DIP2C: variants seen among roughly 807,000 people sequenced by gnomAD.
The protein encoded by DIP2C is disco-interacting protein 2 homolog C.
Under a neutral mutation model 192.4 loss-of-function variants are expected in DIP2C, and 33 were observed. That is an observed-to-expected ratio of 0.17 (90% CI 0.13 to 0.23). The LOEUF is 0.23. DIP2C is among the 10% of genes least tolerant of loss of function. The pLI is 1.00. For synonymous variants in DIP2C, 979 were observed against 864.1 expected (o/e 1.13, Z -2.33); for missense variants, 1,537 against 2,110.1 (o/e 0.73, Z 5.32).
chr10:569,059 A>AG (rs1293795428), intron 1 of DIP2C, among the ~76,000 whole-genome samples: 8 of 152,290 alleles, frequency 5.3e-5, no homozygotes, highest in African/African-American at 1.4e-4. Context: ...ACTGCATGGG[A>AG]GATCAGCTTT....
chr10:282,156 CAAAG>C (rs980399241), intron 35 of DIP2C: 1 of 153,044 alleles, frequency 6.5e-6, no homozygotes, highest in Non-Finnish European at 1.5e-5. Context: ...TTAAATCAGA[CAAAG>C]AAAGATGGAG....
chr10:546,879 T>C (rs1250144279), intron 1 of DIP2C, among the ~76,000 whole-genome samples: 2 of 152,198 alleles, frequency 1.3e-5, no homozygotes, highest in African/African-American at 4.8e-5. Flanking sequence ...ACTGGAAAGC[T>C]CCAATGGCTA....
chr10:374,682 G>A (rs997411856), intron 17 of DIP2C, among the ~76,000 whole-genome samples: 8 of 152,134 alleles, frequency 5.3e-5, no homozygotes, highest in African/African-American at 1.9e-4. Flanking sequence ...ACCATTTGTT[G>A]GTCCAATTTG....
At chr10:381,496 G>T (rs1399006670) in intron 17 of DIP2C, among the ~76,000 whole-genome samples, 1 of 152,148 alleles carries the variant, frequency 6.6e-6, no homozygotes, top group Non-Finnish European at 1.5e-5. Flanking sequence ...CCAGCTCCAG[G>T]GAGGTGGCTC....
At chr10:601,270 G>A (rs538225838) in intron 1 of DIP2C, among the ~76,000 whole-genome samples, 222 of 152,192 alleles carry the variant, frequency 1.5e-3, no homozygotes, top group Non-Finnish European at 2.5e-3. Flanking sequence ...AGATAATCAG[G>A]CAAAAATTTT....
chr10:512,765 T>C (rs113052753), intron 1 of DIP2C, among the ~76,000 whole-genome samples: 2,532 of 151,488 alleles, frequency 0.017, 75 homozygotes, highest in African/African-American at 0.058. Flanking sequence ...AACACAAAAA[T>C]TAGCCAGGCA....
At chr10:412,491 ATAAT>A (rs1362082440) in intron 8 of DIP2C, among the ~76,000 whole-genome samples, 1 of 152,262 alleles carries the variant, frequency 6.6e-6, no homozygotes, top group Non-Finnish European at 1.5e-5. Flanking sequence ...TTCTGAGAGC[ATAAT>A]TAAAAAAATA....
rs150989544 is a variant in DIP2C, at chr10:478,821, G to A, written c.158-6272C>T. Among the ~76,000 whole-genome samples, 964 of 152,178 alleles carry A rather than the reference G, an allele frequency of 6.3e-3. 4 individuals carry two copies. The highest frequency in any genetic ancestry group is 0.011 in the Non-Finnish European group (721 of 67,992). The stretch of plus-strand genomic sequence containing the variant: ...TTCCCATCTTATTCTCACTCATCGC[G>A]TGTCCGGGCGTGCTGGGGGTGCAGA... On this transcript the variant is annotated intron_variant, in intron 2 of 36. Coordinates refer to ENST00000280886, the MANE Select transcript of DIP2C (RefSeq NM_014974.3).
chr10:443,225 T>A (rs918689963), intron 3 of DIP2C, among the ~76,000 whole-genome samples: 1 of 152,238 alleles, frequency 6.6e-6, no homozygotes, highest in Non-Finnish European at 1.5e-5. Flanking sequence ...ACTACTAGTT[T>A]TAGCATCCAC....
intron 17 of DIP2C, among the ~76,000 whole-genome samples, chr10:377,353 C>T (rs1400102049): frequency 6.6e-6 from 1 of 152,224 alleles, no homozygotes; most frequent in Admixed American, 6.5e-5. Flanking sequence ...CCTCCTTTGC[C>T]AAAACCAACT....
In DIP2C at chr10:651,126, G is replaced by A. The variant is rs771245430; in HGVS notation, c.85+38368C>T. The A allele has an allele frequency of 8.4e-6, 6 of 717,484 alleles. No homozygotes were observed. Among genetic ancestry groups the A allele is most frequent in the East Asian group, 2.7e-5 (1 of 37,262 alleles). 44.4% of individuals were successfully genotyped at this position (717,484 alleles called of 1,614,324 possible). On this transcript the variant is annotated intron_variant, in intron 1 of 36. Transcript: ENST00000280886. The surrounding 1 kb of genome is among the most constrained non-coding windows in gnomAD (Gnocchi z 4.1). ...TCCTGGCCAGCTCTCGCCACACTCA[G>A]TCAATGTCCACTGGGGGCCTCAGGG... is the stretch of plus-strand genomic sequence containing the variant.
In DIP2C at chr10:277,207, C is replaced by T; in HGVS notation, c.*118G>A. 6.9e-7 allele frequency: 1 copy of T among 1,454,928 alleles called. No homozygotes were observed. Among genetic ancestry groups the T allele is most frequent in the Non-Finnish European group, 9.3e-7 (1 of 1,078,420 alleles). 90.1% of individuals were successfully genotyped at this position (1,454,928 alleles called of 1,614,324 possible). ...CCTCTTCCTCCTCCTCTTCCTCCTC[C>T]ACTCTCACCACAAATGGCTGTATTC... On this transcript the variant is annotated 3_prime_UTR_variant, in exon 37 of 37. Coordinates refer to ENST00000280886, the MANE Select transcript of DIP2C (RefSeq NM_014974.3).
intron 32 of DIP2C, among the ~76,000 whole-genome samples, chr10:306,987 G>A (rs556138184): frequency 1.3e-5 from 2 of 152,268 alleles, no homozygotes; most frequent in Non-Finnish European, 2.9e-5. Flanking sequence ...GGCCTTCCCT[G>A]GGGGTGAGCA....
chr10:546,555 G>A (rs1235768989), intron 1 of DIP2C, among the ~76,000 whole-genome samples: 1 of 152,186 alleles, frequency 6.6e-6, no homozygotes, highest in East Asian at 1.9e-4. Context: ...ATTTTTCACT[G>A]TGCTTTCACA....
intron 1 of DIP2C, among the ~76,000 whole-genome samples, chr10:623,201 A>T (rs1379903016): frequency 6.6e-6 from 1 of 151,854 alleles, no homozygotes; most frequent in Non-Finnish European, 1.5e-5. Flanking sequence ...GCAGCACCAG[A>T]TGGATGTGTG....
At chr10:327,409 C>T (rs1360481443) in intron 30 of DIP2C, among the ~76,000 whole-genome samples, 1 of 152,186 alleles carries the variant, frequency 6.6e-6, no homozygotes, top group East Asian at 1.9e-4. Flanking sequence ...CTCAAACAAC[C>T]ACCTGGAGCC....
intron 1 of DIP2C, among the ~76,000 whole-genome samples, chr10:655,860 G>C (rs373395090): frequency 0.039 from 542 of 13,966 alleles, no homozygotes; most frequent in South Asian, 0.065. Flanking sequence ...TAATGTTACA[G>C]TTTCTTCTAT....
intron 1 of DIP2C, among the ~76,000 whole-genome samples, chr10:555,566 A>C (rs1342594629): frequency 6.6e-6 from 1 of 152,142 alleles, no homozygotes; most frequent in African/African-American, 2.4e-5. Context: ...ACAGAAGAGA[A>C]GGCAGGTGAC....
At chr10:486,816 C>G (rs1844052798) in intron 1 of DIP2C, among the ~76,000 whole-genome samples, 2 of 152,202 alleles carry the variant, frequency 1.3e-5, no homozygotes, top group Admixed American at 1.3e-4. Flanking sequence ...CCATCTCATC[C>G]CCACCCGCTG....
Sources: gnomAD v4.1 joint callset for allele counts (sites outside exome capture counted in the v4.1 genomes callset) on GRCh38, gnomAD v4.1.1 for gene constraint, Gnocchi (gnomAD v3.1) non-coding constraint, MANE v1.5 for transcripts, NCBI Gene and HGNC (gene_info 2026-07-23, HGNC 2026-07-21) for gene names.